Variants in EDEM2 observed in about 807,000 individuals in gnomAD.
EDEM2 encodes ER degradation-enhancing alpha-mannosidase-like protein 2.
EDEM2 carries 39 observed loss-of-function variants against 64.8 expected under a neutral mutation model. That is an observed-to-expected ratio of 0.60 (90% CI 0.47 to 0.79). The LOEUF is 0.79. EDEM2 is among the 30% of genes least tolerant of loss of function. The pLI is 0.00. For synonymous variants in EDEM2, 296 were observed against 291.5 expected (o/e 1.02, Z -0.16); for missense variants, 609 against 731.3 (o/e 0.83, Z 1.93).
chr20:35,140,461 G>A (rs998125095), intron 4 of EDEM2, among the ~76,000 whole-genome samples: 5 of 152,186 alleles, frequency 3.3e-5, no homozygotes, highest in Non-Finnish European at 7.3e-5. Flanking sequence ...CTGGGTGGCA[G>A]AGTGAGACTC....
At position 35,118,647 on chromosome 20, in the gene EDEM2, G is replaced by T. The variant is rs748875297; in HGVS notation, c.1187C>A (p.Ala396Asp). 1 of 1,613,970 alleles carries T rather than the reference G, an allele frequency of 6.2e-7. No homozygotes were observed. Among genetic ancestry groups the T allele is most frequent in the East Asian group, 2.2e-5 (1 of 44,884 alleles). Reference protein sequence around the residue: ...DPTLLELGRDAVESIEKISKV... With the variant: ...DPTLLELGRDDVESIEKISKV... ...GCTGATTTTTTCAATGGATTCCACA[G>T]CATCTCTTCCGAGTTCTAGGAGGGT... Residue 396 changes from alanine (A) to aspartate (D), a missense_variant, in exon 10 of 11, where the codon GCT becomes GAT. Physicochemically the swap from Ala to Asp is moderately radical, Grantham distance 126 (BLOSUM62 -2). Transcript: ENST00000374492.
At chr20:35,141,725 C>T (rs994778113) in intron 4 of EDEM2, among the ~76,000 whole-genome samples, 25 of 151,490 alleles carry the variant, frequency 1.7e-4, no homozygotes, top group African/African-American at 5.9e-4. Flanking sequence ...ATTCTAGGAC[C>T]CAACACAGAG....
chr20:35,116,647 T>C (rs2085312891), intron 10 of EDEM2, among the ~76,000 whole-genome samples: 1 of 152,162 alleles, frequency 6.6e-6, no homozygotes. Flanking sequence ...GACATGACAA[T>C]CTCCTATCCC....
intron 7 of EDEM2, among the ~76,000 whole-genome samples, chr20:35,129,390 G>A (rs903205878): frequency 3.3e-5 from 5 of 151,274 alleles, no homozygotes; most frequent in African/African-American, 9.7e-5. Flanking sequence ...CTGGGCAACA[G>A]AGTGAGACTC....
chr20:35,144,841 C>T (rs974506949), intron 3 of EDEM2, 138 bp downstream of exon 3: 98 of 930,498 alleles, frequency 1.1e-4, no homozygotes, highest in Admixed American at 1.6e-4. Context: ...CAACCACAGC[C>T]GGACGCTTCA....
chr20:35,124,168 G>T (rs1600703975), intron 8 of EDEM2, 134 bp from the exon 9 acceptor site: 1 of 1,139,354 alleles, frequency 8.8e-7, no homozygotes, highest in East Asian at 2.5e-5. Context: ...CAGTTACTCA[G>T]TGTGGTGCTG....
chr20:35,147,204 G>A lies in EDEM2; in HGVS notation c.55C>T (p.His19Tyr), dbSNP rs773596268. The change falls in exon 1 of 11, where the codon CAC becomes TAC. Residue 19 changes from histidine to tyrosine, a missense_variant. Transcript: ENST00000374492. ...LGLLCALLPQ[H>Y]HGAPGPDGSA... Reference sequence around the variant, plus strand: ...CCGTCGGGACCTGGCGCACCATGGTGCTGAGGCAGCAGCGCGCACAGGAGG... The same window carrying A: ...CCGTCGGGACCTGGCGCACCATGGTACTGAGGCAGCAGCGCGCACAGGAGG... The A allele has an allele frequency of 4.4e-6, 7 of 1,602,570 alleles. No homozygotes were observed. The highest frequency in any genetic ancestry group is 4.0e-5 in the African/African-American group (3 of 74,728).
intron 9 of EDEM2, among the ~76,000 whole-genome samples, chr20:35,121,038 C>G (rs892745816): frequency 3.9e-5 from 6 of 152,170 alleles, no homozygotes; most frequent in Admixed American, 3.9e-4. Flanking sequence ...GCAGTGGTCC[C>G]CAACCGTTTT....
chr20:35,125,389 A>ATTTT (rs2085418310), intron 8 of EDEM2, among the ~76,000 whole-genome samples: 1 of 150,870 alleles, frequency 6.6e-6, no homozygotes, highest in African/African-American at 2.4e-5. Context: ...TTATTTATTT[A>ATTTT]TTTTTATTTT....
At position 35,142,486 on chromosome 20, in the gene EDEM2, TA is replaced by T. The variant is rs760773345; in HGVS notation, c.259-9del. The T allele has an allele frequency of 7.0e-5, 113 of 1,607,404 alleles. 1 individual carries two copies. The East Asian group carries it at 2.4e-3, about 34-fold the overall frequency. On this transcript the variant is annotated splice_polypyrimidine_tract_variant and intron_variant, in intron 3 of 10. Transcript: ENST00000374492. ...TGAGACATTCCCCAAAATCTGGAAA[TA>T]AAAAAGAGACCTGACAATGAGGCTC... is the stretch of plus-strand genomic sequence containing the variant.
chr20:35,140,926 C>G (rs1388695410), intron 4 of EDEM2, among the ~76,000 whole-genome samples: 4 of 151,846 alleles, frequency 2.6e-5, no homozygotes, highest in Non-Finnish European at 4.4e-5. Context: ...TCGAGACTAG[C>G]CTGGCCAACA....
At chr20:35,145,172 T>G (rs966220537) in intron 2 of EDEM2, among the ~76,000 whole-genome samples, 154 bp from the exon 3 acceptor site, 15 of 152,080 alleles carry the variant, frequency 9.9e-5, no homozygotes, top group African/African-American at 3.6e-4. Flanking sequence ...ACAGTGAAAA[T>G]CGCAGGTATT....
chr20:35,131,808 C>A (rs1200699123), intron 6 of EDEM2, 25 bp from the exon 7 acceptor site: 1 of 1,608,038 alleles, frequency 6.2e-7, no homozygotes, highest in African/African-American at 1.3e-5. Flanking sequence ...GACACACGGT[C>A]CCAACGGGAA....
chr20:35,140,714 T>G (rs2085641800), intron 4 of EDEM2, among the ~76,000 whole-genome samples: 1 of 152,210 alleles, frequency 6.6e-6, no homozygotes, highest in Non-Finnish European at 1.5e-5. Context: ...TGGAAAACTA[T>G]GTAAAAAGCT....
intron 4 of EDEM2, among the ~76,000 whole-genome samples, chr20:35,139,223 G>A (rs532911509): frequency 3.3e-5 from 5 of 152,160 alleles, no homozygotes; most frequent in Admixed American, 2.6e-4. Flanking sequence ...GGTGGCAAGC[G>A]CCTGCAGTCC....
chr20:35,131,740 T>C lies in EDEM2; in HGVS notation c.746A>G (p.Gln249Arg), dbSNP rs143005174. ...IDVLTGKWVAQDAGIGAGVDS... is the reference protein window; with the variant it reads ...IDVLTGKWVARDAGIGAGVDS... ...CACGCCAGCCCCGATGCCTGCGTCC[T>C]GGGCCACCCACTTGCCAGTGAGCAC... is the stretch of plus-strand genomic sequence containing the variant. Residue 249 changes from glutamine (Q) to arginine (R), a missense_variant, in exon 7 of 11, where the codon CAG becomes CGG. Transcript: ENST00000374492. The C allele has an allele frequency of 8.3e-4, 1,337 of 1,614,168 alleles. 3 individuals are homozygous for C. Among genetic ancestry groups the C allele is most frequent in the Middle Eastern group, 3.3e-3 (20 of 6,062 alleles).
chr20:35,140,542 C>T (rs1193522330), intron 4 of EDEM2, among the ~76,000 whole-genome samples: 1 of 151,970 alleles, frequency 6.6e-6, no homozygotes, highest in Non-Finnish European at 1.5e-5. Context: ...CAATATAGAA[C>T]AAAAATTATA....
chr20:35,128,869 T>C (rs1263317630), intron 7 of EDEM2, among the ~76,000 whole-genome samples: 1 of 151,000 alleles, frequency 6.6e-6, no homozygotes. Flanking sequence ...TCTGTATAGC[T>C]GTACAATGTG....
chr20:35,127,365 AG>A (rs1158197198), intron 7 of EDEM2, among the ~76,000 whole-genome samples: 4 of 152,202 alleles, frequency 2.6e-5, no homozygotes, highest in Non-Finnish European at 5.9e-5. Context: ...AGCACCTACT[AG>A]GTTCCAGGCT....
Sources: gnomAD v4.1 joint callset for allele counts (sites outside exome capture counted in the v4.1 genomes callset) on GRCh38, gnomAD v4.1.1 for gene constraint, MANE v1.5 for transcripts, NCBI Gene and HGNC (gene_info 2026-07-23, HGNC 2026-07-21) for gene names.